Variants in ANKRD26 observed in about 807,000 individuals in gnomAD.
The protein encoded by ANKRD26 is ankyrin repeat domain-containing protein 26.
ANKRD26 carries 141 observed loss-of-function variants against 208.7 expected under a neutral mutation model. That is an observed-to-expected ratio of 0.68 (90% confidence interval 0.59 to 0.78). The LOEUF is 0.78. ANKRD26 is among the 30% of genes least tolerant of loss of function. ANKRD26 has a pLI of 0.00. For missense variants in ANKRD26, 1,889 were observed against 1,938.7 expected (o/e 0.97, Z 0.48); for synonymous variants, 636 against 660.4 (o/e 0.96, Z 0.57).
At chr10:27,082,395 A>G (rs1241896189) in intron 6 of ANKRD26, among the ~76,000 whole-genome samples, 1 of 152,242 alleles carries the variant, frequency 6.6e-6, no homozygotes, top group Non-Finnish European at 1.5e-5. Context: ...TATCAAGCAT[A>G]TTAGGACAAA....
At chr10:26,950,797 A>G in the ANKRD26 span, among the ~76,000 whole-genome samples, 1 of 152,152 alleles carries the variant, frequency 6.6e-6, no homozygotes, top group Non-Finnish European at 1.5e-5. Context: ...CTTTATAGCA[A>G]CAGAAAAGCA....
At chr10:27,067,481 G>A (rs2055303791) in intron 9 of ANKRD26, among the ~76,000 whole-genome samples, 195 bp from the exon 10 acceptor site, 1 of 151,952 alleles carries the variant, frequency 6.6e-6, no homozygotes. Context: ...GGTTTCACTG[G>A]CTCATGGTTT....
At chr10:27,013,681 C>T (rs529447255) in intron 31 of ANKRD26, among the ~76,000 whole-genome samples, 1 of 152,132 alleles carries the variant, frequency 6.6e-6, no homozygotes, top group Non-Finnish European at 1.5e-5. Context: ...TTTGCTTTCA[C>T]CACCCTTTTA....
intron 5 of ANKRD26, among the ~76,000 whole-genome samples, chr10:27,084,459 A>G (rs950734929): frequency 6.6e-6 from 1 of 152,132 alleles, no homozygotes; most frequent in African/African-American, 2.4e-5. Context: ...GCAAAACCTA[A>G]CCTATGAAAG....
intron 16 of ANKRD26, chr10:27,051,075 A>G: frequency 8.0e-7 from 1 of 1,251,414 alleles, no homozygotes; most frequent in Non-Finnish European, 1.0e-6. Context: ...TTGAAGTTGG[A>G]CTTTTTCTTT....
intron 11 of ANKRD26, among the ~76,000 whole-genome samples, chr10:27,065,456 T>C (rs755372699): frequency 2.6e-5 from 4 of 152,164 alleles, no homozygotes; most frequent in Non-Finnish European, 4.4e-5. Context: ...TACTGAAACT[T>C]ATACCCCAAA....
the ANKRD26 span, among the ~76,000 whole-genome samples, chr10:26,966,500 A>T: frequency 6.6e-6 from 1 of 152,142 alleles, no homozygotes; most frequent in Non-Finnish European, 1.5e-5. Flanking sequence ...GGGTGAGGGG[A>T]GGGAACTTAG....
intron 20 of ANKRD26, among the ~76,000 whole-genome samples, chr10:27,041,324 A>G (rs187099580): frequency 6.6e-6 from 1 of 152,260 alleles, no homozygotes; most frequent in African/African-American, 2.4e-5. Flanking sequence ...GTATGCTAGG[A>G]AACTATCTGA....
exon 6 of ANKRD26, among the ~76,000 whole-genome samples, chr10:26,974,227 G>A (rs867911851): frequency 7.9e-5 from 12 of 151,700 alleles, no homozygotes; most frequent in Middle Eastern, 3.4e-3. Flanking sequence ...CTTTTTTAAC[G>A]CCACAAATTA....
At chr10:27,076,420 G>A (rs567400384) in intron 9 of ANKRD26, among the ~76,000 whole-genome samples, 63 of 152,076 alleles carry the variant, frequency 4.1e-4, no homozygotes, top group Non-Finnish European at 8.5e-4. Flanking sequence ...CCACCACCAT[G>A]CCTGGCTAAT....
At chr10:27,006,323 G>A (rs765265545) in intron 33 of ANKRD26, among the ~76,000 whole-genome samples, 5 of 152,212 alleles carry the variant, frequency 3.3e-5, no homozygotes, top group Non-Finnish European at 7.3e-5. Flanking sequence ...AAAGGGGCCC[G>A]AAGAACAGCA....
chr10:26,972,090 C>T (rs1469945954), downstream of ANKRD26, among the ~76,000 whole-genome samples: 3 of 151,976 alleles, frequency 2.0e-5, no homozygotes, highest in Admixed American at 1.3e-4. Context: ...AAAAAATTAG[C>T]CAGGCGTGGT....
At chr10:27,018,935 T>C (rs2053395464) in intron 29 of ANKRD26, among the ~76,000 whole-genome samples, 1 of 152,018 alleles carries the variant, frequency 6.6e-6, no homozygotes, top group Non-Finnish European at 1.5e-5. Context: ...AGGCAAAGAT[T>C]TTATGGCTAT....
At chr10:27,083,562 A>C (rs2056006431) in intron 5 of ANKRD26, among the ~76,000 whole-genome samples, 1 of 152,150 alleles carries the variant, frequency 6.6e-6, no homozygotes, top group African/African-American at 2.4e-5. Flanking sequence ...TCATCTCTAA[A>C]AGAATAAATA....
intron 4 of ANKRD26, among the ~76,000 whole-genome samples, chr10:27,091,557 T>G (rs907215048): frequency 6.6e-6 from 1 of 152,184 alleles, no homozygotes; most frequent in African/African-American, 2.4e-5. Flanking sequence ...TCCGTACTCT[T>G]CAAAGAAAGC....
chr10:27,051,690 T>C, intron 16 of ANKRD26: 1 of 985,352 alleles, frequency 1.0e-6, no homozygotes, highest in Non-Finnish European at 1.2e-6. Flanking sequence ...TGAAAAGCCA[T>C]TTTCGAGACT....
At chr10:27,061,788 C>G in intron 12 of ANKRD26, 1 of 240,222 alleles carries the variant, frequency 4.2e-6, no homozygotes, top group Non-Finnish European at 6.7e-6. Flanking sequence ...TGGTCTCAAA[C>G]TCCTGGGCTC....
intron 31 of ANKRD26, among the ~76,000 whole-genome samples, chr10:27,013,694 T>A (rs763296931): frequency 1.3e-5 from 2 of 152,206 alleles, no homozygotes; most frequent in African/African-American, 2.4e-5. Context: ...CCCTTTTACA[T>A]TTATTTCACC....
intron 22 of ANKRD26, 57 bp downstream of exon 22, chr10:27,037,814 G>A: frequency 7.5e-7 from 1 of 1,333,896 alleles, no homozygotes; most frequent in South Asian, 1.3e-5. Context: ...AAAAGGATGT[G>A]ATAATAGTGA....
Sources: gnomAD v4.1 joint callset for allele counts (sites outside exome capture counted in the v4.1 genomes callset) on GRCh38, gnomAD v4.1.1 for gene constraint, MANE v1.5 for transcripts, NCBI Gene and HGNC (gene_info 2026-07-23, HGNC 2026-07-21) for gene names.